The following FGF1 variants were observed in gnomAD, a reference collection of about 807,000 sequenced individuals.
FGF1 encodes fibroblast growth factor 1, also known as beta-endothelial cell growth factor.
Under a neutral mutation model 13.4 loss-of-function variants are expected in FGF1, and 9 were observed. The ratio of observed to expected loss-of-function variants is 0.67; its 90% CI spans 0.40 to 1.17. The LOEUF is 1.17. FGF1 is among the 50% of genes most tolerant of loss of function. FGF1 has a pLI of 0.01. For missense variants in FGF1, 156 were observed against 192.7 expected (o/e 0.81, Z 1.13); for synonymous variants, 93 against 79.0 (o/e 1.18, Z -0.94).
At chr5:142,661,415 C>T (rs1769196414) in intron 1 of FGF1, among the ~76,000 whole-genome samples, 1 of 152,218 alleles carries the variant, frequency 6.6e-6, no homozygotes, top group South Asian at 2.1e-4. Flanking sequence ...GGTGCAGCCA[C>T]TTTGGAAAAC....
intron 1 of FGF1, among the ~76,000 whole-genome samples, chr5:142,631,807 G>A (rs548493167): frequency 3.0e-4 from 39 of 130,452 alleles, no homozygotes; most frequent in Non-Finnish European, 4.7e-4. Flanking sequence ...TTTTTGAGAC[G>A]GAGTCTTGCT....
intron 1 of FGF1, among the ~76,000 whole-genome samples, chr5:142,663,633 C>T (rs1769722341): frequency 1.3e-5 from 2 of 152,210 alleles, no homozygotes; most frequent in African/African-American, 4.8e-5. Context: ...ACACAGCCCA[C>T]AGCGGAGGAG....
In FGF1 at chr5:142,614,004, G is replaced by T. The variant is rs1759648579; in HGVS notation, c.124C>A (p.Pro42Thr). The T allele has an allele frequency of 1.9e-6, 3 of 1,614,130 alleles. No homozygotes were observed. The highest frequency in any genetic ancestry group is 1.1e-5 in the South Asian group (1 of 91,074). Residue 42 changes from proline to threonine, a missense_variant, in exon 2 of 4, where the codon CCG becomes ACG. Coordinates refer to ENST00000337706, the MANE Select transcript of FGF1 (RefSeq NM_000800.5). ...SNGGHFLRILPDGTVDGTRDR... is the reference protein window; with the variant it reads ...SNGGHFLRILTDGTVDGTRDR... ...CTTGTCCCATCCACTGTGCCATCCG[G>T]AAGGATCCTCAGGAAGTGGCCCCCG...
intron 2 of FGF1, among the ~76,000 whole-genome samples, chr5:142,608,520 A>C (rs1758211139): frequency 1.4e-5 from 2 of 139,856 alleles, no homozygotes; most frequent in Admixed American, 7.8e-5. Flanking sequence ...GCATATACAT[A>C]TATATAAATA....
intron 1 of FGF1, among the ~76,000 whole-genome samples, chr5:142,657,147 C>A (rs1259727666): frequency 6.6e-6 from 1 of 152,180 alleles, no homozygotes; most frequent in African/African-American, 2.4e-5. Context: ...GAACTCCTGA[C>A]CTCAGGTGAT....
At chr5:142,667,114 T>C (rs575573074) in intron 1 of FGF1, among the ~76,000 whole-genome samples, 1 of 151,750 alleles carries the variant, frequency 6.6e-6, no homozygotes, top group Admixed American at 6.6e-5. Flanking sequence ...ACCCCGTCTC[T>C]ACTAAAAATA....
chr5:142,640,426 T>TA (rs1478301505), intron 1 of FGF1, among the ~76,000 whole-genome samples: 1 of 71,016 alleles, frequency 1.4e-5, no homozygotes, highest in African/African-American at 5.4e-5. Flanking sequence ...TGGAGTATGG[T>TA]GGGGGGGGGG....
intron 1 of FGF1, among the ~76,000 whole-genome samples, chr5:142,623,183 C>T (rs1340777680): frequency 6.6e-6 from 1 of 152,196 alleles, no homozygotes; most frequent in South Asian, 2.1e-4. Context: ...TGGACACTCA[C>T]TAGTAAATGA....
chr5:142,608,221 T>C (rs1432948789), intron 2 of FGF1, among the ~76,000 whole-genome samples: 1 of 152,078 alleles, frequency 6.6e-6, no homozygotes, highest in East Asian at 1.9e-4. Context: ...TTCTGTAGCA[T>C]GTCTGTCTGT....
intron 1 of FGF1, among the ~76,000 whole-genome samples, chr5:142,663,249 GAAAAAA>G (rs60474431): frequency 1.4e-5 from 2 of 138,656 alleles, no homozygotes; most frequent in African/African-American, 5.1e-5. Context: ...AATCAGGAAA[GAAAAAA>G]AAAAAAAAGA....
intron 2 of FGF1, among the ~76,000 whole-genome samples, chr5:142,603,242 A>G (rs1457859659): frequency 2.0e-5 from 3 of 152,132 alleles, no homozygotes; most frequent in Non-Finnish European, 4.4e-5. Context: ...TGCACATGCT[A>G]TAGCCTTCTC....
At chr5:142,623,369 G>C (rs1471067075) in intron 1 of FGF1, among the ~76,000 whole-genome samples, 1 of 149,416 alleles carries the variant, frequency 6.7e-6, no homozygotes, top group African/African-American at 2.5e-5. Flanking sequence ...TTTTGAGACA[G>C]AGTCTCGTTC....
At chr5:142,617,592 C>T (rs967971913) in intron 1 of FGF1, among the ~76,000 whole-genome samples, 4 of 152,096 alleles carry the variant, frequency 2.6e-5, no homozygotes, top group Non-Finnish European at 4.4e-5. Context: ...CATGAGGGTG[C>T]CTATACTGAT....
At chr5:142,672,612 C>A (rs760960061) in intron 1 of FGF1, among the ~76,000 whole-genome samples, 1 of 149,592 alleles carries the variant, frequency 6.7e-6, no homozygotes, top group Non-Finnish European at 1.5e-5. Context: ...TCAAGCCATT[C>A]TCCTGCCTCA....
chr5:142,642,579 G>A (rs921704566), intron 1 of FGF1, among the ~76,000 whole-genome samples: 1 of 152,212 alleles, frequency 6.6e-6, no homozygotes, highest in African/African-American at 2.4e-5. Flanking sequence ...TCTGGGTAAA[G>A]GACAAGAATG....
At chr5:142,674,260 T>C (rs1469127631) in intron 1 of FGF1, among the ~76,000 whole-genome samples, 1 of 152,262 alleles carries the variant, frequency 6.6e-6, no homozygotes, top group Non-Finnish European at 1.5e-5. Context: ...TCGTGTGTTA[T>C]GCTCTATCTG....
At chr5:142,637,512 G>A (rs184043046) in intron 1 of FGF1, among the ~76,000 whole-genome samples, 4 of 151,954 alleles carry the variant, frequency 2.6e-5, no homozygotes, top group Admixed American at 6.5e-5. Flanking sequence ...GTAGAGACAG[G>A]GTTTCACCAT....
intron 1 of FGF1, among the ~76,000 whole-genome samples, chr5:142,663,587 C>T (rs1769711599): frequency 6.6e-6 from 1 of 152,124 alleles, no homozygotes; most frequent in Non-Finnish European, 1.5e-5. Flanking sequence ...CCGTGATGAC[C>T]CGAGTTGAGA....
At chr5:142,602,060 G>A (rs1332529440) in intron 2 of FGF1, among the ~76,000 whole-genome samples, 2 of 152,226 alleles carry the variant, frequency 1.3e-5, no homozygotes, top group African/African-American at 2.4e-5. Context: ...CTAGGAGGAT[G>A]AGGGGGCATC....
Sources: allele counts gnomAD v4.1 joint callset (sites outside exome capture counted in the v4.1 genomes callset), GRCh38; gene constraint gnomAD v4.1.1; transcripts MANE v1.5; gene names NCBI Gene and HGNC (gene_info 2026-07-23, HGNC 2026-07-21).